Variants in PLCZ1 observed in about 807,000 individuals in gnomAD.
PLCZ1 encodes phospholipase C zeta 1.
In PLCZ1, 64 loss-of-function variants were observed where a neutral mutation model predicts 76.8. The ratio of observed to expected loss-of-function variants is 0.83; its 90% CI spans 0.68 to 1.03. The LOEUF (loss-of-function observed/expected upper bound fraction) is 1.03, where lower values mean the gene tolerates loss of function less well. Among genes scored for constraint, PLCZ1 ranks in the 50% least tolerant of loss-of-function variants. The probability of loss-of-function intolerance (pLI) is 0.00; values close to 1 mark genes in which losing one functional copy is unlikely to be tolerated. For missense variants in PLCZ1, 751 were observed against 713.7 expected (o/e 1.05, Z -0.60); for synonymous variants, 248 against 230.8 (o/e 1.07, Z -0.68).
At chr12:18,647,080 A>ATT in the PLCZ1 span, among the ~76,000 whole-genome samples, 67 of 151,178 alleles carry the variant, frequency 4.4e-4, no homozygotes, top group African/African-American at 1.4e-3. Context: ...CCTTTTTGGT[A>ATT]TTTTTTTTTG....
chr12:18,733,644 A>G (rs1959166686), intron 3 of PLCZ1, among the ~76,000 whole-genome samples: 1 of 152,184 alleles, frequency 6.6e-6, no homozygotes, highest in Non-Finnish European at 1.5e-5. Context: ...ATTTTTGCAT[A>G]TGGGGTAAGG....
intron 12 of PLCZ1, among the ~76,000 whole-genome samples, chr12:18,690,904 C>T (rs557800831): frequency 1.3e-5 from 2 of 152,200 alleles, no homozygotes; most frequent in African/African-American, 4.8e-5. Flanking sequence ...AGGGCAAGGC[C>T]TGACTAAGAT....
chr12:18,673,156 T>C, the PLCZ1 span, among the ~76,000 whole-genome samples: 1 of 152,154 alleles, frequency 6.6e-6, no homozygotes, highest in Non-Finnish European at 1.5e-5. Flanking sequence ...GGGGAATTTA[T>C]TCATGTTTTT....
the PLCZ1 span, among the ~76,000 whole-genome samples, chr12:18,677,645 C>T: frequency 0.015 from 2,233 of 152,106 alleles, 58 homozygotes; most frequent in African/African-American, 0.051. Flanking sequence ...TGAAGCAGAA[C>T]GCCACACCAA....
intron 9 of PLCZ1, among the ~76,000 whole-genome samples, chr12:18,700,538 A>AAAAAAGG (rs1370935394): frequency 1.9e-4 from 26 of 135,918 alleles, no homozygotes; most frequent in South Asian, 4.7e-4. Context: ...AAAAAAAAAT[A>AAAAAAGG]GTTGCTCTGC....
At chr12:18,729,035 T>C (rs12819272) in intron 3 of PLCZ1, among the ~76,000 whole-genome samples, 9,274 of 152,068 alleles carry the variant, frequency 0.061, 334 homozygotes, top group African/African-American at 0.095. Flanking sequence ...TTCCAATCCA[T>C]TCTAACTAGT....
intron 7 of PLCZ1, 112 bp from the exon 8 acceptor site, chr12:18,701,888 T>C (rs1488540374): frequency 2.8e-6 from 4 of 1,442,448 alleles, no homozygotes; most frequent in East Asian, 2.5e-5. Context: ...TAATAAGATA[T>C]GTAAGAACTC....
chr12:18,705,538 C>A (rs542807604), intron 6 of PLCZ1, among the ~76,000 whole-genome samples: 1 of 152,074 alleles, frequency 6.6e-6, no homozygotes, highest in Admixed American at 6.6e-5. Context: ...AGAATAGGAA[C>A]AACTGAAGCA....
chr12:18,650,721 T>TTCC, the PLCZ1 span, among the ~76,000 whole-genome samples: 1 of 11,530 alleles, frequency 8.7e-5, no homozygotes, highest in African/African-American at 7.2e-4. Flanking sequence ...TCTATATATA[T>TTCC]ATATATATAT....
At chr12:18,730,506 T>C (rs982418927) in intron 3 of PLCZ1, among the ~76,000 whole-genome samples, 5 of 152,116 alleles carry the variant, frequency 3.3e-5, no homozygotes, top group African/African-American at 1.2e-4. Context: ...CTTACAGTTA[T>C]TTTAGGGAGG....
intron 7 of PLCZ1, among the ~76,000 whole-genome samples, chr12:18,703,384 T>C (rs1015928720): frequency 1.3e-5 from 2 of 152,210 alleles, no homozygotes; most frequent in East Asian, 1.9e-4. Flanking sequence ...GAAGTAAAAT[T>C]TGAAGATCTT....
the PLCZ1 span, chr12:18,648,219 C>A: frequency 2.0e-4 from 68 of 340,148 alleles, no homozygotes; most frequent in African/African-American, 1.3e-3. Flanking sequence ...TTTTCATAAT[C>A]TTTTCTCCTT....
At chr12:18,729,289 T>A (rs879608704) in intron 3 of PLCZ1, among the ~76,000 whole-genome samples, 11,012 of 152,118 alleles carry the variant, frequency 0.072, 498 homozygotes, top group Middle Eastern at 0.12. Flanking sequence ...ATATTCCTTC[T>A]TATTTAAGGT....
Position 18,736,334 on chromosome 12 carries a change from AC to A in PLCZ1, c.21del (p.Leu7PhefsTer15). 1 of 1,612,148 alleles carries A rather than the reference AC, an allele frequency of 6.2e-7. No individual in the cohort carries two copies. Among genetic ancestry groups the A allele is most frequent in the Non-Finnish European group, 8.5e-7 (1 of 1,179,214 alleles). Reference protein sequence around the residue: MEMRWFLSKIQDDFRGG... With the variant: MEMRWFXSKIQDDFRGG... ...CCTCTGAAGTCATCCTGAATCTTTGACAAAAACCATGTAGAAGCACAAAAAA... is the reference window on the plus strand; with the variant it reads ...CCTCTGAAGTCATCCTGAATCTTTGAAAAAACCATGTAGAAGCACAAAAAA... On this transcript the variant is annotated frameshift_variant, in exon 3 of 15. Transcript: ENST00000266505. LOFTEE classifies it high-confidence loss of function.
chr12:18,692,032 G>C lies in PLCZ1; in HGVS notation c.1461+2878C>G, dbSNP rs540816840. The stretch of plus-strand genomic sequence containing the variant: ...AGCTTCCCAAATCCTGTGGTATTAC[G>C]ATGGTGGAAAAAGGAGCTGAGCCAG... On this transcript the variant is annotated intron_variant, in intron 12 of 14. Coordinates refer to ENST00000266505, the MANE Select transcript of PLCZ1 (RefSeq NM_033123.4). 2.6e-5 allele frequency among the ~76,000 whole-genome samples: 4 copies of C among 152,236 alleles called. No individual in the cohort carries two copies. In the South Asian group the frequency reaches 8.3e-4, roughly 32 times the overall value.
chr12:18,689,121 G>A (rs1219279478), intron 12 of PLCZ1, among the ~76,000 whole-genome samples: 1 of 152,052 alleles, frequency 6.6e-6, no homozygotes, highest in African/African-American at 2.4e-5. Context: ...ATGGGCATCA[G>A]CATAATTAGA....
intron 10 of PLCZ1, among the ~76,000 whole-genome samples, chr12:18,699,208 G>T (rs1344153288): frequency 6.6e-6 from 1 of 152,072 alleles, no homozygotes; most frequent in African/African-American, 2.4e-5. Context: ...CAGCCTGGGC[G>T]CCATTTCTTC....
At position 18,713,174 on chromosome 12, in the gene PLCZ1, A is replaced by G. The variant is rs112635738; in HGVS notation, c.570-188T>C. ...AAATTTGCATTAAAAGGGAAGACAC[A>G]TACTATCTGTGTAGTACAATACTGT... On this transcript the variant is annotated intron_variant, in intron 5 of 14. Transcript: ENST00000266505. 6.8e-3 allele frequency among the ~76,000 whole-genome samples: 1,040 copies of G among 152,274 alleles called. 5 individuals are homozygous for G. Among genetic ancestry groups the G allele is most frequent in the African/African-American group, 0.023 (953 of 41,564 alleles).
At position 18,688,198 on chromosome 12, in the gene PLCZ1, C is replaced by A. The variant is rs752418470; in HGVS notation, c.1482G>T (p.Leu494Phe). The A allele has an allele frequency of 6.2e-7, 1 of 1,609,670 alleles. No individual in the cohort carries two copies. The highest frequency in any genetic ancestry group is 1.1e-5 in the South Asian group (1 of 91,004). The change falls in exon 13 of 15, where the codon TTG becomes TTT. Residue 494 changes from leucine (L) to phenylalanine (F), a missense_variant. Transcript: ENST00000266505. The part of the protein sequence containing the change: ...LTIRLISGIQ[L>F]PLTHSSSNKG... ...TGTTAGATGATGAATGAGTAAGAGG[C>A]AACTGGATACCACTGATGAGCTGCA...
Sources: gnomAD v4.1 joint callset for allele counts (sites outside exome capture counted in the v4.1 genomes callset) on GRCh38, gnomAD v4.1.1 for gene constraint, MANE v1.5 for transcripts, NCBI Gene and HGNC (gene_info 2026-07-23, HGNC 2026-07-21) for gene names.